The following MCTP1 variants were observed in gnomAD, a reference collection of about 807,000 sequenced individuals.
MCTP1 encodes multiple C2 and transmembrane domain containing 1, also known as multiple C2 and transmembrane domain-containing protein 1.
MCTP1 carries 69 observed loss-of-function variants against 120.6 expected under a neutral mutation model. The observed-to-expected ratio is 0.57, with a 90% confidence interval of 0.47 to 0.70. The LOEUF (loss-of-function observed/expected upper bound fraction) is 0.70. MCTP1 is among the 30% of genes least tolerant of loss of function. The pLI is 0.00. For missense variants in MCTP1, 1,203 were observed against 1,248.8 expected (o/e 0.96, Z 0.55); for synonymous variants, 529 against 493.1 (o/e 1.07, Z -0.96).
At chr5:94,922,814 T>C (rs570455987) in intron 7 of MCTP1, among the ~76,000 whole-genome samples, 2 of 152,234 alleles carry the variant, frequency 1.3e-5, no homozygotes, top group South Asian at 2.1e-4. Flanking sequence ...GATAAAGCCA[T>C]TATCCATTTA....
chr5:94,729,525 T>G (rs1018998151), intron 19 of MCTP1, among the ~76,000 whole-genome samples: 1 of 152,164 alleles, frequency 6.6e-6, no homozygotes, highest in African/African-American at 2.4e-5. Flanking sequence ...CCTTCTTCCC[T>G]TTTCCCAGTC....
chr5:95,026,312 C>T (rs898648288), intron 1 of MCTP1, among the ~76,000 whole-genome samples: 1 of 152,042 alleles, frequency 6.6e-6, no homozygotes, highest in Non-Finnish European at 1.5e-5. Context: ...AATTATATAC[C>T]TTTAGTACTT....
intron 3 of MCTP1, among the ~76,000 whole-genome samples, chr5:94,946,418 G>T (rs1175198672): frequency 6.6e-6 from 1 of 152,136 alleles, no homozygotes; most frequent in Non-Finnish European, 1.5e-5. Context: ...TAAAGGCAAT[G>T]GTGAAGTCAG....
chr5:95,090,812 G>A (rs1322306465), intron 1 of MCTP1, among the ~76,000 whole-genome samples: 1 of 152,058 alleles, frequency 6.6e-6, no homozygotes, highest in East Asian at 1.9e-4. Context: ...CCTAGTCAGA[G>A]TGCTCCCACA....
intron 1 of MCTP1, among the ~76,000 whole-genome samples, chr5:95,204,267 G>C (rs778948777): frequency 2.3e-4 from 35 of 152,158 alleles, no homozygotes; most frequent in Non-Finnish European, 4.6e-4. Flanking sequence ...GCTGGTCTTA[G>C]AGAATAAGAG....
chr5:94,830,058 T>C (rs1788174026), intron 17 of MCTP1, among the ~76,000 whole-genome samples: 1 of 152,256 alleles, frequency 6.6e-6, no homozygotes, highest in Non-Finnish European at 1.5e-5. Context: ...GGATGTTTCA[T>C]GTTAATTCCC....
In MCTP1 at chr5:95,114,189, C is replaced by T. The variant is rs543723857; in HGVS notation, c.721-96705G>A. 1.2e-4 allele frequency among the ~76,000 whole-genome samples: 19 copies of T among 152,278 alleles called. No individual in the cohort carries two copies. In the South Asian group the frequency reaches 3.7e-3, roughly 30 times the overall value. ...GTAAGACTCTGTTATTAGCTGTCTT[C>T]AGGTGAGACTAAGCACATTCTCAGC... is the stretch of plus-strand genomic sequence containing the variant. On this transcript the variant is annotated intron_variant, in intron 1 of 22. Coordinates refer to ENST00000515393, the MANE Select transcript of MCTP1 (RefSeq NM_024717.7).
chr5:94,826,861 T>C (rs1787240909), intron 17 of MCTP1, among the ~76,000 whole-genome samples: 1 of 149,848 alleles, frequency 6.7e-6, no homozygotes, highest in East Asian at 2.0e-4. Flanking sequence ...AGCCTGTGTG[T>C]GTCTTTGCTT....
chr5:94,773,207 C>G (rs1774487415), intron 19 of MCTP1, among the ~76,000 whole-genome samples: 1 of 152,082 alleles, frequency 6.6e-6, no homozygotes, highest in East Asian at 1.9e-4. Context: ...ATCCCTCACC[C>G]CAGATCAGAA....
In MCTP1 at chr5:94,707,439, G is replaced by A. The variant is rs55852531; in HGVS notation, c.*57C>T. The stretch of plus-strand genomic sequence containing the variant: ...AGAAAGGAAATGCTGCTGAGGCTGA[G>A]GGCTTTTTCTTTTATCTTCCCAAAC... On this transcript the variant is annotated 3_prime_UTR_variant, in exon 23 of 23. Transcript: ENST00000515393. The A allele has an allele frequency of 7.6e-7, 1 of 1,307,554 alleles. No homozygotes were observed. The highest frequency in any genetic ancestry group is 1.1e-6 in the Non-Finnish European group (1 of 918,610). The allele number at this position is 1,307,554 out of a possible 1,614,324, so 81.0% of individuals were successfully genotyped here. A position where few individuals can be genotyped will look rare whatever the true frequency, so the allele number is the denominator to read the frequency against.
At chr5:94,944,974 G>T (rs1818569757) in intron 3 of MCTP1, among the ~76,000 whole-genome samples, 1 of 152,026 alleles carries the variant, frequency 6.6e-6, no homozygotes, top group Non-Finnish European at 1.5e-5. Context: ...GGTTAACAAG[G>T]TATTGTTGTT....
At chr5:95,005,199 CT>C (rs199606142) in intron 2 of MCTP1, among the ~76,000 whole-genome samples, 1,836 of 152,166 alleles carry the variant, frequency 0.012, 14 homozygotes, top group Middle Eastern at 0.031. Context: ...CAATTTTTCC[CT>C]TTTTTTAATG....
intron 3 of MCTP1, among the ~76,000 whole-genome samples, chr5:94,946,510 T>C (rs941236561): frequency 2.6e-5 from 4 of 151,978 alleles, no homozygotes; most frequent in Non-Finnish European, 4.4e-5. Context: ...ATTTGGAAAA[T>C]CCTCAACTAA....
At chr5:95,253,578 T>C (rs184545587) in intron 1 of MCTP1, among the ~76,000 whole-genome samples, 304 of 152,124 alleles carry the variant, frequency 2.0e-3, no homozygotes, top group Non-Finnish European at 3.7e-3. Flanking sequence ...TGAAAATGTA[T>C]GAAAAGAGTG....
rs778815562 is a variant in MCTP1, at chr5:94,708,524, T to C, written c.2916A>G (p.Ser972=). The change falls in exon 22 of 23, where the codon TCA becomes TCG. Residue 972 remains serine (S), a synonymous_variant. Coordinates refer to ENST00000515393, the MANE Select transcript of MCTP1 (RefSeq NM_024717.7). ...GAAACCTACATACCACTTGTACATC[T>C]GAAGGGACTCTGGAAAGGAAGTCAA... The part of the protein sequence containing the change: ...ELLDFLSRVP[S]DVQVVQYQEL... 3 of 1,599,664 alleles carry C rather than the reference T, an allele frequency of 1.9e-6. No homozygotes were observed. Among genetic ancestry groups the C allele is most frequent in the Non-Finnish European group, 2.6e-6 (3 of 1,167,630 alleles).
intron 1 of MCTP1, among the ~76,000 whole-genome samples, chr5:95,231,330 G>A (rs1386665292): frequency 1.3e-5 from 2 of 151,568 alleles, no homozygotes; most frequent in Non-Finnish European, 2.9e-5. Flanking sequence ...GAAAACTGAT[G>A]GATAAGGATA....
chr5:95,065,484 T>A (rs1032754316), intron 1 of MCTP1, among the ~76,000 whole-genome samples: 5 of 152,188 alleles, frequency 3.3e-5, no homozygotes, highest in Non-Finnish European at 4.4e-5. Flanking sequence ...ATGTAACTCA[T>A]CAATTAGTAG....
At chr5:94,770,754 C>T (rs182171362) in intron 19 of MCTP1, among the ~76,000 whole-genome samples, 33 of 152,236 alleles carry the variant, frequency 2.2e-4, no homozygotes, top group Non-Finnish European at 3.8e-4. Context: ...AACATAGAGG[C>T]ATGAGTATGT....
chr5:95,172,731 C>G (rs1054490442), intron 1 of MCTP1, among the ~76,000 whole-genome samples: 1 of 152,080 alleles, frequency 6.6e-6, no homozygotes, highest in Non-Finnish European at 1.5e-5. Flanking sequence ...AATTAAGGAT[C>G]TGAGTGAGAG....
Sources: gnomAD v4.1 joint callset for allele counts (sites outside exome capture counted in the v4.1 genomes callset) on GRCh38, gnomAD v4.1.1 for gene constraint, MANE v1.5 for transcripts, NCBI Gene and HGNC (gene_info 2026-07-23, HGNC 2026-07-21) for gene names.